PTPRS: variants seen among roughly 807,000 people sequenced by gnomAD.
PTPRS encodes the protein receptor-type tyrosine-protein phosphatase S.
PTPRS carries 63 observed loss-of-function variants against 215.3 expected under a neutral mutation model. The observed-to-expected ratio is 0.29, with a 90% confidence interval of 0.24 to 0.36. The LOEUF (loss-of-function observed/expected upper bound fraction) is 0.36, where lower values mean the gene tolerates loss of function less well. Among genes scored for constraint, PTPRS ranks in the 10% least tolerant of loss-of-function variants. The pLI is 1.00. For synonymous variants in PTPRS, 1,404 were observed against 1,191.4 expected (o/e 1.18, Z -3.68); for missense variants, 2,258 against 2,825.8 (o/e 0.80, Z 4.56).
chr19:5,238,244 C>T (rs1391909271), intron 13 of PTPRS, among the ~76,000 whole-genome samples: 1 of 152,122 alleles, frequency 6.6e-6, no homozygotes, highest in African/African-American at 2.4e-5. Flanking sequence ...GACCCACAGC[C>T]AACTGCCAGG....
At chr19:5,262,232 G>A (rs1214832375) in intron 6 of PTPRS, among the ~76,000 whole-genome samples, 1 of 152,144 alleles carries the variant, frequency 6.6e-6, no homozygotes, top group Non-Finnish European at 1.5e-5. Flanking sequence ...CCGAGATGGT[G>A]CCACTGCACT....
rs566239634 is a variant in PTPRS, at chr19:5,295,943, A to G, written c.-94-9709T>C. Among the ~76,000 whole-genome samples, 1 of 152,170 alleles carries G rather than the reference A, an allele frequency of 6.6e-6. No individual in the cohort carries two copies. Among genetic ancestry groups the G allele is most frequent in the Non-Finnish European group, 1.5e-5 (1 of 68,000 alleles). On this transcript the variant is annotated intron_variant, in intron 1 of 37. Transcript: ENST00000262963. The surrounding 1 kb of genome is among the most constrained non-coding windows in gnomAD (Gnocchi z 4.6). ...CTAATTTTTGGATTTTTTTGTAGACATGGGATCTCCCCATGTTGCCCCGAC... is the reference window on the plus strand; with the variant it reads ...CTAATTTTTGGATTTTTTTGTAGACGTGGGATCTCCCCATGTTGCCCCGAC...
intron 22 of PTPRS, 83 bp from the exon 23 acceptor site, chr19:5,219,550 G>A (rs537054440): frequency 5.3e-5 from 77 of 1,451,246 alleles, no homozygotes; most frequent in East Asian, 1.2e-4. Context: ...ATGAACCTAC[G>A]TTTCTCCCCC....
intron 1 of PTPRS, among the ~76,000 whole-genome samples, chr19:5,302,179 C>G (rs1413289260): frequency 6.6e-6 from 1 of 151,950 alleles, no homozygotes; most frequent in Non-Finnish European, 1.5e-5. Flanking sequence ...ACCTGGGCAA[C>G]AAAGAGAGAC....
chr19:5,325,029 C>T (rs1251023716), intron 1 of PTPRS, among the ~76,000 whole-genome samples: 1 of 152,196 alleles, frequency 6.6e-6, no homozygotes, highest in Non-Finnish European at 1.5e-5. Context: ...TCTCTTTTCA[C>T]CTAAGGGAAG....
chr19:5,325,962 G>A (rs1409723388), intron 1 of PTPRS, among the ~76,000 whole-genome samples: 2 of 152,198 alleles, frequency 1.3e-5, no homozygotes. Flanking sequence ...CAGGCATGGT[G>A]GCTCATGCCT....
chr19:5,320,685 C>A (rs1328895359), intron 1 of PTPRS, among the ~76,000 whole-genome samples: 1 of 152,092 alleles, frequency 6.6e-6, no homozygotes, highest in Non-Finnish European at 1.5e-5. Context: ...CTCAGCCTCC[C>A]AAAGTGCTGG....
intron 4 of PTPRS, among the ~76,000 whole-genome samples, chr19:5,267,634 G>A (rs1473902716): frequency 2.0e-5 from 3 of 149,328 alleles, no homozygotes; most frequent in African/African-American, 5.0e-5. Flanking sequence ...TCCAGCCTGG[G>A]CGACAGAGCA....
chr19:5,265,207 A>C lies in PTPRS; in HGVS notation c.380-11T>G, dbSNP rs1015426681. On this transcript the variant is annotated splice_polypyrimidine_tract_variant and intron_variant, in intron 4 of 37. Coordinates refer to ENST00000262963, the MANE Select transcript of PTPRS (RefSeq NM_002850.4). ...AGGGCAGCTGGTCCTCTGAGGGCAG[A>C]GACGTGAGAGAAATGGGCATGGTTC... is the stretch of plus-strand genomic sequence containing the variant. The C allele has an allele frequency of 7.4e-6, 12 of 1,610,840 alleles. No homozygotes were observed. The South Asian group carries it at 1.2e-4, about 16-fold the overall frequency.
chr19:5,244,579 CTT>C lies in PTPRS; in HGVS notation c.989-99_989-98del. On this transcript the variant is annotated intron_variant, in intron 10 of 37. Coordinates refer to ENST00000262963, the MANE Select transcript of PTPRS (RefSeq NM_002850.4). This position sits in a 1 kb window ranked among gnomAD's most constrained non-coding sequence, Gnocchi z 7.2. ...CACCATTCAGTCGCCTTCTCTGAGC[CTT>C]GATTTGCCCAGCAGTAATCATGGGC... 1.0e-6 allele frequency: 1 copy of C among 985,792 alleles called. No homozygotes were observed. Among genetic ancestry groups the C allele is most frequent in the Non-Finnish European group, 1.5e-6 (1 of 669,604 alleles). 61.1% of individuals were successfully genotyped at this position (985,792 alleles called of 1,614,324 possible).
At chr19:5,217,928 C>G (rs28636963) in intron 25 of PTPRS, among the ~76,000 whole-genome samples, 25,460 of 152,044 alleles carry the variant, frequency 0.17, 2,477 homozygotes, top group African/African-American at 0.27. Flanking sequence ...TATAAAGAGG[C>G]ATGAACCCTG....
intron 5 of PTPRS, 149 bp downstream of exon 5, chr19:5,264,859 G>T: frequency 2.4e-6 from 2 of 839,460 alleles, no homozygotes; most frequent in Non-Finnish European, 3.7e-6. Context: ...GAAGACATTT[G>T]CCCCCACTCC....
rs1041351468 is a variant in PTPRS, at chr19:5,331,128, T to TAAAAAAAAA, written c.-95+9527_-95+9535dup. Among the ~76,000 whole-genome samples the TAAAAAAAAA allele has an allele frequency of 8.6e-4, 86 of 100,136 alleles. 1 individual carries two copies. The highest frequency in any genetic ancestry group is 3.0e-3 in the African/African-American group (71 of 23,372). The allele number at this position is 100,136 out of a possible 152,430, so 65.7% of individuals were successfully genotyped here. ...CAGCATAAGTCAGGGCTTCTTTTTTTAAAAAAAAAAAAAAAAAAAAAAGAG... is the reference window on the plus strand; with the variant it reads ...CAGCATAAGTCAGGGCTTCTTTTTTTAAAAAAAAAAAAAAAAAAAAAAAAAAAAAAAGAG... On this transcript the variant is annotated intron_variant, in intron 1 of 37. Coordinates refer to ENST00000262963, the MANE Select transcript of PTPRS (RefSeq NM_002850.4).
chr19:5,269,435 G>A (rs745753402), intron 4 of PTPRS, among the ~76,000 whole-genome samples: 5 of 152,090 alleles, frequency 3.3e-5, no homozygotes, highest in Non-Finnish European at 5.9e-5. Context: ...AGAGGAGGAG[G>A]AAGGCAGGGA....
rs114955097 is a variant in PTPRS, at chr19:5,306,753, G to A, written c.-94-20519C>T. Among the ~76,000 whole-genome samples, 524 of 152,254 alleles carry A rather than the reference G, an allele frequency of 3.4e-3. 3 individuals carry two copies. Among genetic ancestry groups the A allele is most frequent in the African/African-American group, 0.012 (494 of 41,544 alleles). ...TGAAGGGCAGCTGGGGTGGAAGGTC[G>A]GGTTACAGCTTGTTCTAAACAAGCA... On this transcript the variant is annotated intron_variant, in intron 1 of 37. Transcript: ENST00000262963.
intron 2 of PTPRS, among the ~76,000 whole-genome samples, chr19:5,277,548 C>T (rs1009071744): frequency 2.0e-5 from 3 of 151,206 alleles, no homozygotes; most frequent in Non-Finnish European, 4.4e-5. Context: ...CCCAGCTACT[C>T]GGGAGGCTGA....
At chr19:5,290,671 G>A (rs2048740334) in intron 1 of PTPRS, among the ~76,000 whole-genome samples, 1 of 152,194 alleles carries the variant, frequency 6.6e-6, no homozygotes, top group East Asian at 2.0e-4. Context: ...CCTGGGGCGG[G>A]AGTCTGGGGG....
At position 5,268,551 on chromosome 19, in the gene PTPRS, T is replaced by G. The variant is rs551451844; in HGVS notation, c.380-3355A>C. The stretch of plus-strand genomic sequence containing the variant: ...AGGCCAAGATGGGGCAAGGGAGAGG[T>G]GGGCAGGATCCAGGGAGGGGAAGCC... On this transcript the variant is annotated intron_variant, in intron 4 of 37. Coordinates refer to ENST00000262963, the MANE Select transcript of PTPRS (RefSeq NM_002850.4). 1.6e-3 allele frequency among the ~76,000 whole-genome samples: 246 copies of G among 151,182 alleles called. 1 individual carries two copies. Among genetic ancestry groups the G allele is most frequent in the African/African-American group, 5.7e-3 (234 of 41,130 alleles).
intron 1 of PTPRS, among the ~76,000 whole-genome samples, chr19:5,301,459 G>A (rs1368113555): frequency 6.6e-6 from 1 of 152,108 alleles, no homozygotes; most frequent in East Asian, 1.9e-4. Flanking sequence ...GGGATTACAG[G>A]TGCCCACCAC....
Sources: gnomAD v4.1 joint callset for allele counts (sites outside exome capture counted in the v4.1 genomes callset) on GRCh38, gnomAD v4.1.1 for gene constraint, Gnocchi (gnomAD v3.1) non-coding constraint, MANE v1.5 for transcripts, NCBI Gene and HGNC (gene_info 2026-07-23, HGNC 2026-07-21) for gene names.